Variants in TMEM178B observed in about 807,000 individuals in gnomAD.
TMEM178B encodes the protein transmembrane protein 178B.
A neutral mutation model predicts 31.0 loss-of-function variants in TMEM178B; 5 were observed. That is an observed-to-expected ratio of 0.16 (90% CI 0.08 to 0.34). The LOEUF (loss-of-function observed/expected upper bound fraction) is 0.34, where lower values mean the gene tolerates loss of function less well. Ranked by LOEUF, TMEM178B falls within the 10% of genes least tolerant of loss-of-function variation. The pLI is 1.00. For missense variants in TMEM178B, 275 were observed against 400.3 expected (o/e 0.69, Z 2.67); for synonymous variants, 164 against 164.0 (o/e 1.00, Z 0.00).
At chr7:141,399,928 C>T (rs1299616864) in intron 2 of TMEM178B, among the ~76,000 whole-genome samples, 5 of 152,142 alleles carry the variant, frequency 3.3e-5, no homozygotes, top group African/African-American at 1.2e-4. Flanking sequence ...CCGGTATTCT[C>T]CATCTAAAAA....
At chr7:141,381,437 C>T (rs1316035304) in intron 2 of TMEM178B, among the ~76,000 whole-genome samples, 1 of 152,160 alleles carries the variant, frequency 6.6e-6, no homozygotes, top group Non-Finnish European at 1.5e-5. Flanking sequence ...GAAATTTGTC[C>T]TTCCTTAGAA....
intron 1 of TMEM178B, among the ~76,000 whole-genome samples, chr7:141,208,472 C>T (rs1797001205): frequency 6.6e-6 from 1 of 152,220 alleles, no homozygotes; most frequent in Admixed American, 6.5e-5. Flanking sequence ...TTTACAAAAG[C>T]CCAGCACACT....
intron 2 of TMEM178B, among the ~76,000 whole-genome samples, chr7:141,421,059 C>T (rs986785372): frequency 1.3e-5 from 2 of 152,156 alleles, no homozygotes; most frequent in Admixed American, 6.5e-5. Context: ...CCCAGGACAG[C>T]AGCCACTAGT....
chr7:141,277,408 A>T (rs1379834770), intron 2 of TMEM178B, among the ~76,000 whole-genome samples: 1 of 152,050 alleles, frequency 6.6e-6, no homozygotes, highest in Non-Finnish European at 1.5e-5. Context: ...GCTGTCTTCC[A>T]CCTCCGCATC....
At chr7:141,368,308 G>A (rs995299129) in intron 2 of TMEM178B, among the ~76,000 whole-genome samples, 12 of 152,194 alleles carry the variant, frequency 7.9e-5, no homozygotes, top group African/African-American at 2.9e-4. Context: ...GATAGAGTGA[G>A]ACTCTGCTTC....
intron 3 of TMEM178B, among the ~76,000 whole-genome samples, chr7:141,454,128 C>T (rs879461987): frequency 1.3e-5 from 2 of 152,056 alleles, no homozygotes; most frequent in African/African-American, 2.4e-5. Flanking sequence ...AATATAATTA[C>T]CCCTCTGGCT....
chr7:141,174,720 G>A (rs1000198155), intron 1 of TMEM178B, among the ~76,000 whole-genome samples: 15 of 152,174 alleles, frequency 9.9e-5, no homozygotes, highest in Non-Finnish European at 2.2e-4. Context: ...CAGTAATGAT[G>A]AGCTTTTTCT....
intron 2 of TMEM178B, among the ~76,000 whole-genome samples, chr7:141,213,653 C>G (rs1317029286): frequency 1.3e-5 from 2 of 151,882 alleles, no homozygotes; most frequent in Non-Finnish European, 2.9e-5. Context: ...GAAAACATCT[C>G]TCTTCTCCTT....
In TMEM178B at chr7:141,179,046, G is replaced by T. The variant is rs538692470; in HGVS notation, c.383-33545G>T. 3.1e-3 allele frequency among the ~76,000 whole-genome samples: 468 copies of T among 152,280 alleles called. 2 individuals are homozygous for T. The highest frequency in any genetic ancestry group is 6.8e-3 in the Middle Eastern group (2 of 294). ...GAGGTTGATCTGTAAGTGCCCTTCA[G>T]ATAATTCAGGTGGAACTGTGCTGCT... On this transcript the variant is annotated intron_variant, in intron 1 of 3. Coordinates refer to ENST00000565468, the MANE Select transcript of TMEM178B (RefSeq NM_001195278.2).
In TMEM178B at chr7:141,471,558, ATG is replaced by A. The variant is rs1802242181; in HGVS notation, c.*783_*784del. 6.6e-6 allele frequency: 1 copy of A among 152,280 alleles called. No homozygotes were observed. The highest frequency in any genetic ancestry group is 1.5e-5 in the Non-Finnish European group (1 of 68,054). 9.4% of individuals were successfully genotyped at this position (152,280 alleles called of 1,614,324 possible). On this transcript the variant is annotated 3_prime_UTR_variant, in exon 4 of 4. Coordinates refer to ENST00000565468, the MANE Select transcript of TMEM178B (RefSeq NM_001195278.2). This position sits in a 1 kb window ranked among gnomAD's most constrained non-coding sequence, Gnocchi z 4.1. Reference sequence around the variant, plus strand: ...ACTGGAGCCTTGGAGTCATGCTGTGATGTGTGTGTGTGGGTGTGCGTGCATGT... The same window carrying A: ...ACTGGAGCCTTGGAGTCATGCTGTGATGTGTGTGTGGGTGTGCGTGCATGT...
At chr7:141,135,718 G>C (rs990467109) in intron 1 of TMEM178B, among the ~76,000 whole-genome samples, 1 of 152,006 alleles carries the variant, frequency 6.6e-6, no homozygotes, top group Non-Finnish European at 1.5e-5. Flanking sequence ...CAAACCTATG[G>C]GTTACAGCAA....
intron 2 of TMEM178B, among the ~76,000 whole-genome samples, chr7:141,324,006 T>G (rs6966069): frequency 0.31 from 47,296 of 151,752 alleles, 7,518 homozygotes; most frequent in African/African-American, 0.35. Context: ...CAAGTGCAAA[T>G]GTCCTGAGGC....
chr7:141,501,387 C>T, the TMEM178B span, among the ~76,000 whole-genome samples: 1 of 151,796 alleles, frequency 6.6e-6, no homozygotes, highest in Non-Finnish European at 1.5e-5. Flanking sequence ...CTAGAATCCA[C>T]ATTCTCTCCA....
intron 1 of TMEM178B, among the ~76,000 whole-genome samples, chr7:141,158,816 G>A (rs558555812): frequency 6.6e-6 from 1 of 152,220 alleles, no homozygotes; most frequent in East Asian, 1.9e-4. Context: ...GAACAAGCCT[G>A]CATGCTTCAG....
At chr7:141,430,925 T>C (rs1483381056) in intron 2 of TMEM178B, among the ~76,000 whole-genome samples, 1 of 152,158 alleles carries the variant, frequency 6.6e-6, no homozygotes, top group Non-Finnish European at 1.5e-5. Context: ...GCTAACACCC[T>C]CCTGCTTTGT....
Position 141,479,751 on chromosome 7 carries a change from C to T in TMEM178B, c.*8965C>T, listed in dbSNP as rs1802440921. 6.6e-6 allele frequency: 1 copy of T among 152,100 alleles called. No homozygotes were observed. The highest frequency in any genetic ancestry group is 2.4e-5 in the African/African-American group (1 of 41,412). The allele number at this position is 152,100 out of a possible 1,614,324, so 9.4% of individuals were successfully genotyped here. A position where few individuals can be genotyped will look rare whatever the true frequency, so the allele number is the denominator to read the frequency against. On this transcript the variant is annotated 3_prime_UTR_variant, in exon 4 of 4. Transcript: ENST00000565468. ...TCTCAAACGCCTGGAGTGTTTATGG[C>T]CCACCAGATTATTGCTCAGTCAATA...
chr7:141,177,044 G>T (rs1309398479), intron 1 of TMEM178B, among the ~76,000 whole-genome samples: 4 of 151,864 alleles, frequency 2.6e-5, no homozygotes, highest in Non-Finnish European at 5.9e-5. Context: ...GTGATGTTAG[G>T]GTTTCGATTT....
chr7:141,269,095 T>C (rs919521950), intron 2 of TMEM178B, among the ~76,000 whole-genome samples: 2 of 123,010 alleles, frequency 1.6e-5, no homozygotes, highest in Non-Finnish European at 1.7e-5. Context: ...TAATTTTTTT[T>C]CTTTTTTTTT....
intron 1 of TMEM178B, among the ~76,000 whole-genome samples, chr7:141,169,236 C>A (rs1796308435): frequency 6.6e-6 from 1 of 152,210 alleles, no homozygotes; most frequent in Admixed American, 6.5e-5. Flanking sequence ...TGTTGTTCAC[C>A]TCTATGTGTC....
Sources: allele counts gnomAD v4.1 joint callset (sites outside exome capture counted in the v4.1 genomes callset), GRCh38; gene constraint gnomAD v4.1.1; non-coding constraint Gnocchi (gnomAD v3.1); transcripts MANE v1.5; gene names NCBI Gene and HGNC (gene_info 2026-07-23, HGNC 2026-07-21).